HMOX2: variants seen among roughly 807,000 people sequenced by gnomAD.
The protein encoded by HMOX2 is heme oxygenase 2.
Under a neutral mutation model 33.7 loss-of-function variants are expected in HMOX2, and 30 were observed. The observed-to-expected ratio is 0.89, with a 90% CI of 0.67 to 1.21. The LOEUF (loss-of-function observed/expected upper bound fraction) is 1.21, where lower values mean the gene tolerates loss of function less well. Ranked by LOEUF, HMOX2 falls within the 50% of genes most tolerant of loss-of-function variation. HMOX2 has a pLI of 0.00. For missense variants in HMOX2, 403 were observed against 399.1 expected, an observed-to-expected ratio of 1.01 and a Z score of -0.08; for synonymous variants, 155 against 155.0, an observed-to-expected ratio of 1.00 and a Z score of 0.00.
chr16:4,480,993 G>A (rs2058012337), intron 1 of HMOX2, among the ~76,000 whole-genome samples: 3 of 151,478 alleles, frequency 2.0e-5, no homozygotes, highest in Admixed American at 2.0e-4. Flanking sequence ...TTTCATGTCT[G>A]AGATAGAGGG....
rs1433298710 is a variant in HMOX2, at chr16:4,509,954, G to C, written c.*198G>C. 2.1e-5 allele frequency: 13 copies of C among 632,898 alleles called. No individual in the cohort carries two copies. Among genetic ancestry groups the C allele is most frequent in the Non-Finnish European group, 3.0e-5 (11 of 369,290 alleles). 39.2% of individuals were successfully genotyped at this position (632,898 alleles called of 1,614,324 possible). ...TGGGCCATATTCCGCACTGGGCACA[G>C]GCCGTCACCCTGGGAGCAGTCGGCA... On this transcript the variant is annotated 3_prime_UTR_variant, in exon 6 of 6. Coordinates refer to ENST00000570646, the MANE Select transcript of HMOX2 (RefSeq NM_002134.4).
At chr16:4,495,450 C>G (rs565377104) in intron 1 of HMOX2, 4 of 152,358 alleles carry the variant, frequency 2.6e-5, no homozygotes, top group East Asian at 1.9e-4. Flanking sequence ...GGGCTTGTTC[C>G]TTTCCCCAAT....
At chr16:4,503,314 C>A (rs925281475) in intron 1 of HMOX2, among the ~76,000 whole-genome samples, 1 of 152,110 alleles carries the variant, frequency 6.6e-6, no homozygotes, top group African/African-American at 2.4e-5. Flanking sequence ...GATCTGGAGG[C>A]CCTCCCCCAG....
chr16:4,506,418 G>A (rs1026231771), intron 2 of HMOX2, among the ~76,000 whole-genome samples: 28 of 152,304 alleles, frequency 1.8e-4, no homozygotes, highest in African/African-American at 6.3e-4. Context: ...AAGAAGCTGT[G>A]GGTCCAAGGT....
intron 1 of HMOX2, among the ~76,000 whole-genome samples, chr16:4,489,666 C>T (rs1168775831): frequency 6.6e-6 from 1 of 152,124 alleles, no homozygotes; most frequent in African/African-American, 2.4e-5. Context: ...ACCATGTTGC[C>T]CAGGCTGGTC....
At chr16:4,498,534 C>G (rs1009313067) in intron 1 of HMOX2, among the ~76,000 whole-genome samples, 6 of 151,964 alleles carry the variant, frequency 3.9e-5, no homozygotes, top group Admixed American at 1.3e-4. Flanking sequence ...GTCACCACGC[C>G]TGGCTAATTA....
intron 2 of HMOX2, 104 bp downstream of exon 2, chr16:4,505,714 C>T: frequency 1.2e-6 from 1 of 807,532 alleles, no homozygotes; most frequent in African/African-American, 1.7e-5. Context: ...TGGCCATGGG[C>T]CATGAGCTCT....
chr16:4,475,773 T>A (rs575301110), upstream of HMOX2, among the ~76,000 whole-genome samples: 5 of 151,912 alleles, frequency 3.3e-5, no homozygotes, highest in East Asian at 9.8e-4. Flanking sequence ...CCCCCGTCTC[T>A]ACTAAAAATA....
intron 1 of HMOX2, among the ~76,000 whole-genome samples, chr16:4,481,272 C>G (rs1206172528): frequency 6.6e-6 from 1 of 150,922 alleles, no homozygotes; most frequent in East Asian, 2.0e-4. Flanking sequence ...TGGCGGGAAC[C>G]CGGGAGGCGG....
chr16:4,505,210 G>C (rs1195464100), intron 1 of HMOX2, among the ~76,000 whole-genome samples: 1 of 152,156 alleles, frequency 6.6e-6, no homozygotes, highest in Non-Finnish European at 1.5e-5. Flanking sequence ...TAGGAACAAA[G>C]ACATTCTCTT....
At chr16:4,475,199 C>A (rs1262322556), upstream of HMOX2, among the ~76,000 whole-genome samples, 2 of 152,044 alleles carry the variant, frequency 1.3e-5, no homozygotes, top group African/African-American at 4.8e-5. Context: ...GTGATCCACC[C>A]ACCTCAGCCT....
At chr16:4,480,651 ATTT>A (rs776262645) in intron 1 of HMOX2, among the ~76,000 whole-genome samples, 4,540 of 119,470 alleles carry the variant, frequency 0.038, 250 homozygotes, top group African/African-American at 0.13. Flanking sequence ...AGGGCCTACT[ATTT>A]TTTTTTTTTT....
In HMOX2 at chr16:4,499,727, C is replaced by A. The variant is rs550812109; in HGVS notation, c.-41-5757C>A. ...TGTGAGCTGATGGATATGTTAATAA[C>A]CCTGATTTAATTATTCCCCAATGTA... On this transcript the variant is annotated intron_variant, in intron 1 of 5. Coordinates refer to ENST00000570646, the MANE Select transcript of HMOX2 (RefSeq NM_002134.4). Among the ~76,000 whole-genome samples the A allele has an allele frequency of 2.0e-5, 3 of 152,234 alleles. No homozygotes were observed. The East Asian group carries it at 5.8e-4, about 29-fold the overall frequency.
intron 1 of HMOX2, among the ~76,000 whole-genome samples, chr16:4,499,532 G>C (rs1213301315): frequency 6.6e-6 from 1 of 152,176 alleles, no homozygotes; most frequent in African/African-American, 2.4e-5. Flanking sequence ...GGAAAGGGGA[G>C]ATGTTGATCA....
intron 1 of HMOX2, among the ~76,000 whole-genome samples, chr16:4,497,278 T>C (rs974627902): frequency 2.0e-5 from 3 of 152,200 alleles, no homozygotes; most frequent in African/African-American, 7.2e-5. Flanking sequence ...TAATTTTTGC[T>C]TGATGGTAAC....
chr16:4,504,354 ATTTTTTTT>A (rs34314976), intron 1 of HMOX2, among the ~76,000 whole-genome samples: 320 of 72,902 alleles, frequency 4.4e-3, no homozygotes, highest in African/African-American at 0.014. Flanking sequence ...GTAACTTTCA[ATTTTTTTT>A]TTTTTTTTTT....
chr16:4,482,007 C>G (rs1269231859), intron 1 of HMOX2: 1 of 152,150 alleles, frequency 6.6e-6, no homozygotes. Flanking sequence ...TAACTTCTAC[C>G]TAGAAGACAT....
intron 1 of HMOX2, among the ~76,000 whole-genome samples, chr16:4,480,888 A>G (rs950662697): frequency 4.6e-5 from 7 of 151,250 alleles, no homozygotes; most frequent in South Asian, 2.1e-4. Context: ...TTCTGATGTC[A>G]GGTGATCCAC....
At chr16:4,507,647 T>G in intron 3 of HMOX2, 66 bp from the exon 4 acceptor site, 1 of 1,549,562 alleles carries the variant, frequency 6.5e-7, no homozygotes, top group South Asian at 1.2e-5. Flanking sequence ...CACTTGAGCC[T>G]CTGCATCCAG....
Sources: allele counts gnomAD v4.1 joint callset (sites outside exome capture counted in the v4.1 genomes callset), GRCh38; gene constraint gnomAD v4.1.1; transcripts MANE v1.5; gene names NCBI Gene and HGNC (gene_info 2026-07-23, HGNC 2026-07-21).